The following NUP210 variants were observed in gnomAD, a reference collection of about 807,000 sequenced individuals.
NUP210 encodes the protein nuclear pore membrane glycoprotein 210.
In NUP210, 151 loss-of-function variants were observed where a neutral mutation model predicts 196.0. That is an observed-to-expected ratio of 0.77 (90% CI 0.67 to 0.88). The LOEUF is 0.88. NUP210 is among the 40% of genes least tolerant of loss of function. The probability of loss-of-function intolerance (pLI) is 0.00; values close to 1 mark genes in which losing one functional copy is unlikely to be tolerated. For synonymous variants in NUP210, 1,070 were observed against 1,052.7 expected, an observed-to-expected ratio of 1.02 and a Z score of -0.32; for missense variants, 2,314 against 2,493.7, an observed-to-expected ratio of 0.93 and a Z score of 1.53.
intron 13 of NUP210, among the ~76,000 whole-genome samples, chr3:13,370,358 A>G (rs761588707): frequency 6.6e-6 from 1 of 152,198 alleles, no homozygotes; most frequent in Non-Finnish European, 1.5e-5. Context: ...TGTAACCATC[A>G]CAATAAGCAA....
At chr3:13,394,466 G>T (rs1191036250) in intron 3 of NUP210, among the ~76,000 whole-genome samples, 1 of 152,246 alleles carries the variant, frequency 6.6e-6, no homozygotes. Flanking sequence ...CCAGCCATGT[G>T]GGGAGGGCCC....
At position 13,391,240 on chromosome 3, in the gene NUP210, G is replaced by A; in HGVS notation, c.504C>T (p.Asp168=). 3 of 1,612,606 alleles carry A rather than the reference G, an allele frequency of 1.9e-6. No homozygotes were observed. The highest frequency in any genetic ancestry group is 2.5e-6 in the Non-Finnish European group (3 of 1,179,448). ...EWTIVKDSEA[D]RFSDSHNALR... ...GCGCATTGTGGGAGTCTGAGAACCTGTCCGCCTCGGAGTCCTTCACAATCG... is the reference window on the plus strand; with the variant it reads ...GCGCATTGTGGGAGTCTGAGAACCTATCCGCCTCGGAGTCCTTCACAATCG... Residue 168 remains aspartate, a synonymous_variant, in exon 4 of 40, where the codon GAC becomes GAT. Transcript: ENST00000254508.
At chr3:13,410,762 C>CAA (rs200133735) in intron 1 of NUP210, among the ~76,000 whole-genome samples, 3 of 149,748 alleles carry the variant, frequency 2.0e-5, no homozygotes, top group Admixed American at 6.6e-5. Flanking sequence ...TTAAAAAATA[C>CAA]AAAAAATTAG....
chr3:13,385,923 GAA>G (rs1282612034), intron 6 of NUP210, among the ~76,000 whole-genome samples: 1 of 152,124 alleles, frequency 6.6e-6, no homozygotes, highest in African/African-American at 2.4e-5. Flanking sequence ...ATCAGGCTAG[GAA>G]AAAAGTGATA....
In NUP210 at chr3:13,348,966, G is replaced by A; in HGVS notation, c.2835+2913C>T. On this transcript the variant is annotated intron_variant, in intron 20 of 39. Transcript: ENST00000254508. This position sits in a 1 kb window ranked among gnomAD's most constrained non-coding sequence, Gnocchi z 4.0. ...GATCTCTATTTTCTCTTGAAAATCA[G>A]AAGCTCTTGCCTCACAGGCCCACAC... is the stretch of plus-strand genomic sequence containing the variant. 1 of 934,210 alleles carries A rather than the reference G, an allele frequency of 1.1e-6. No homozygotes were observed. Among genetic ancestry groups the A allele is most frequent in the Non-Finnish European group, 1.3e-6 (1 of 783,132 alleles). The allele number at this position is 934,210 out of a possible 1,614,324, so 57.9% of individuals were successfully genotyped here. A position where few individuals can be genotyped will look rare whatever the true frequency, so the allele number is the denominator to read the frequency against.
At chr3:13,365,647 C>G (rs9847393) in intron 14 of NUP210, among the ~76,000 whole-genome samples, 93,882 of 152,058 alleles carry the variant, frequency 0.62, 30,432 homozygotes, top group African/African-American at 0.83. Flanking sequence ...ACTTCTGAAG[C>G]CCTTGCAGCC....
At chr3:13,341,347 C>A (rs1016516519) in intron 23 of NUP210, among the ~76,000 whole-genome samples, 5 of 152,330 alleles carry the variant, frequency 3.3e-5, no homozygotes, top group Admixed American at 6.5e-5. Flanking sequence ...CCACTGCCCT[C>A]GAAGTGCCTG....
At chr3:13,392,982 G>C (rs1164793116) in intron 3 of NUP210, among the ~76,000 whole-genome samples, 1 of 152,220 alleles carries the variant, frequency 6.6e-6, no homozygotes, top group East Asian at 1.9e-4. Flanking sequence ...GGAGCATGGA[G>C]TCCCTATAAT....
intron 1 of NUP210, among the ~76,000 whole-genome samples, chr3:13,414,513 C>CA (rs11373928): frequency 1 from 152,350 of 152,352 alleles, 76,174 homozygotes; most frequent in Middle Eastern, 1. Context: ...TAACCCTGCC[C>CA]ACATCTGACC....
At chr3:13,352,263 C>G (rs1276355315) in intron 18 of NUP210, 79 bp from the exon 19 acceptor site, 1 of 1,084,116 alleles carries the variant, frequency 9.2e-7, no homozygotes, top group African/African-American at 1.6e-5. Context: ...CCCAAAAGCC[C>G]TAGGGCCTGG....
At position 13,354,078 on chromosome 3, in the gene NUP210, C is replaced by CA. The variant is rs1559325008; in HGVS notation, c.2357_2358insT (p.Leu787AlafsTer36). 1.2e-6 allele frequency: 2 copies of CA among 1,601,316 alleles called. No individual in the cohort carries two copies. The highest frequency in any genetic ancestry group is 4.5e-5 in the East Asian group (2 of 44,112). On this transcript the variant is annotated frameshift_variant, in exon 17 of 40. Transcript: ENST00000254508. LOFTEE classifies it high-confidence loss of function. ...CCTGGTCGTAAGCAGCCAGGTCCAG[C>CA]CGGGGGTTGCGGTGGCTGGACACTG...
At chr3:13,358,438 C>T (rs779691078) in intron 15 of NUP210, 43 bp from the exon 16 acceptor site, 1 of 1,558,860 alleles carries the variant, frequency 6.4e-7, no homozygotes, top group Non-Finnish European at 8.7e-7. Flanking sequence ...AGCTTGAGTT[C>T]TCACTCCTCT....
intron 9 of NUP210, among the ~76,000 whole-genome samples, chr3:13,376,917 G>A (rs969514074): frequency 2.6e-5 from 4 of 151,968 alleles, no homozygotes; most frequent in Non-Finnish European, 1.5e-5. Flanking sequence ...TCACTGACGA[G>A]CCTGGAATTT....
At chr3:13,403,334 CTGTCTTCCCACTGT>C (rs1463806346) in intron 1 of NUP210, among the ~76,000 whole-genome samples, 1 of 152,224 alleles carries the variant, frequency 6.6e-6, no homozygotes, top group East Asian at 1.9e-4. Context: ...GTCATGCCTG[CTGTCTTCCCACTGT>C]TGTCACATGG....
At position 13,350,590 on chromosome 3, in the gene NUP210, C is replaced by T. The variant is rs1253132894; in HGVS notation, c.2835+1289G>A. On this transcript the variant is annotated intron_variant, in intron 20 of 39. Coordinates refer to ENST00000254508, the MANE Select transcript of NUP210 (RefSeq NM_024923.4). This position sits in a 1 kb window ranked among gnomAD's most constrained non-coding sequence, Gnocchi z 4.1. Reference sequence around the variant, plus strand: ...AGATTCACCAGGCAAAGCCTTCCAACCAAACAACGATGAAGGGAGTAAAGG... The same window carrying T: ...AGATTCACCAGGCAAAGCCTTCCAATCAAACAACGATGAAGGGAGTAAAGG... 2.0e-5 allele frequency among the ~76,000 whole-genome samples: 3 copies of T among 151,888 alleles called. No individual in the cohort carries two copies. The highest frequency in any genetic ancestry group is 7.3e-5 in the African/African-American group (3 of 41,322).
intron 13 of NUP210, among the ~76,000 whole-genome samples, chr3:13,368,073 TA>T (rs1698601471): frequency 1.7e-5 from 2 of 117,898 alleles, no homozygotes; most frequent in Non-Finnish European, 3.5e-5. Flanking sequence ...TATTAAATTT[TA>T]AAATTTTTAT....
chr3:13,408,787 CAAAA>C (rs57395477), intron 1 of NUP210, among the ~76,000 whole-genome samples: 1 of 77,034 alleles, frequency 1.3e-5, no homozygotes, highest in Admixed American at 1.5e-4. Context: ...GACTCTGTCT[CAAAA>C]AAAAAAAAAA....
At position 13,332,281 on chromosome 3, in the gene NUP210, T is replaced by A; in HGVS notation, c.3935+12A>T. The A allele has an allele frequency of 1.2e-6, 2 of 1,607,512 alleles. No homozygotes were observed. ...GCACAACTTTGCTGGAAACAAGAGCTGAGTCACGTACCTGTTTGTCTGCAG... is the reference window on the plus strand; with the variant it reads ...GCACAACTTTGCTGGAAACAAGAGCAGAGTCACGTACCTGTTTGTCTGCAG... On this transcript the variant is annotated intron_variant, in intron 29 of 39. Coordinates refer to ENST00000254508, the MANE Select transcript of NUP210 (RefSeq NM_024923.4).
intron 14 of NUP210, among the ~76,000 whole-genome samples, chr3:13,365,030 C>T (rs1435873857): frequency 6.6e-6 from 1 of 152,128 alleles, no homozygotes; most frequent in Non-Finnish European, 1.5e-5. Context: ...GACTGCTCTC[C>T]AGCCCTCCCT....
Sources: gnomAD v4.1 joint callset for allele counts (sites outside exome capture counted in the v4.1 genomes callset) on GRCh38, gnomAD v4.1.1 for gene constraint, Gnocchi (gnomAD v3.1) non-coding constraint, MANE v1.5 for transcripts, NCBI Gene and HGNC (gene_info 2026-07-23, HGNC 2026-07-21) for gene names.